The following USP53 variants were observed in gnomAD, a reference collection of about 807,000 sequenced individuals.
The protein encoded by USP53 is ubiquitin specific peptidase 53.
In USP53, 71 loss-of-function variants were observed where a neutral mutation model predicts 94.9. That is an observed-to-expected ratio of 0.75 (90% CI 0.62 to 0.91). The LOEUF (loss-of-function observed/expected upper bound fraction) is 0.91, where lower values mean the gene tolerates loss of function less well. USP53 is among the 40% of genes least tolerant of loss of function. USP53 has a pLI of 0.00. For synonymous variants in USP53, 375 were observed against 422.7 expected (o/e 0.89, Z 1.39); for missense variants, 1,173 against 1,281.0 (o/e 0.92, Z 1.29).
chr4:119,255,623 G>T (rs1456507646), intron 7 of USP53, among the ~76,000 whole-genome samples: 1 of 152,212 alleles, frequency 6.6e-6, no homozygotes, highest in Non-Finnish European at 1.5e-5. Flanking sequence ...TATTTCGGCA[G>T]GAGTGTATGG....
At chr4:119,231,144 A>G (rs1228790820) in intron 3 of USP53, among the ~76,000 whole-genome samples, 1 of 152,198 alleles carries the variant, frequency 6.6e-6, no homozygotes, top group Admixed American at 6.5e-5. Context: ...TGTCAGGGGT[A>G]ACTGAGTACT....
At chr4:119,281,281 A>G (rs777977865) in intron 17 of USP53, among the ~76,000 whole-genome samples, 1 of 152,234 alleles carries the variant, frequency 6.6e-6, no homozygotes, top group African/African-American at 2.4e-5. Context: ...TGTTGCAATC[A>G]AAGACAATGT....
chr4:119,229,857 A>G (rs9996382), intron 3 of USP53, among the ~76,000 whole-genome samples: 105,101 of 152,000 alleles, frequency 0.69, 36,787 homozygotes, highest in African/African-American at 0.79. Context: ...CACCTATTAG[A>G]TAAAGTCCAA....
rs1749787564 is a variant in USP53 at position 119,256,502 on chromosome 4, A to G, written c.548A>G (p.Tyr183Cys). The change falls in exon 9 of 19, where the codon TAC becomes TGC. Residue 183 changes from tyrosine to cysteine, a missense_variant. Transcript: ENST00000692078. ...DPLPFTEFVRYISTTALCNEV... is the reference protein window; with the variant it reads ...DPLPFTEFVRCISTTALCNEV... ...CTACCTTTTACAGAATTTGTGCGGTACATTTCTACAACAGCCTTATGGTAA... is the reference window on the plus strand; with the variant it reads ...CTACCTTTTACAGAATTTGTGCGGTGCATTTCTACAACAGCCTTATGGTAA... 1 of 1,614,000 alleles carries G rather than the reference A, an allele frequency of 6.2e-7. No individual in the cohort carries two copies. The highest frequency in any genetic ancestry group is 1.3e-5 in the African/African-American group (1 of 74,940).
intron 6 of USP53, among the ~76,000 whole-genome samples, chr4:119,247,667 A>G (rs890418930): frequency 6.6e-6 from 1 of 152,216 alleles, no homozygotes; most frequent in African/African-American, 2.4e-5. Flanking sequence ...GGGTAGAACA[A>G]TGCCTAACAT....
intron 3 of USP53, among the ~76,000 whole-genome samples, chr4:119,227,255 C>CCACACACACACACACACACA (rs1561196812): frequency 2.4e-5 from 1 of 40,856 alleles, no homozygotes; most frequent in Non-Finnish European, 4.7e-5. Flanking sequence ...TTGTCTAACA[C>CCACACACACACACACACACA]TACACACACA....
chr4:119,293,304 T>C lies in USP53; in HGVS notation c.*93T>C. ...TAAACCTAGCATACATTGTAATAGA[T>C]AACTGGTAAAACTGACCAACTTTTA... On this transcript the variant is annotated 3_prime_UTR_variant, in exon 19 of 19. Transcript: ENST00000692078. The C allele has an allele frequency of 1.4e-6, 2 of 1,421,272 alleles. No homozygotes were observed. The highest frequency in any genetic ancestry group is 2.9e-5 in the South Asian group (2 of 68,704). The allele number at this position is 1,421,272 out of a possible 1,614,324, so 88.0% of individuals were successfully genotyped here.
At chr4:119,285,773 A>AT (rs1459212347) in intron 17 of USP53, among the ~76,000 whole-genome samples, 1 of 151,644 alleles carries the variant, frequency 6.6e-6, no homozygotes, top group Non-Finnish European at 1.5e-5. Context: ...TTGTCAGCCG[A>AT]TTTTTTTTCT....
chr4:119,275,745 T>C (rs1426185681), intron 17 of USP53, among the ~76,000 whole-genome samples: 11 of 152,252 alleles, frequency 7.2e-5, no homozygotes, highest in South Asian at 2.1e-4. Context: ...GAATGTTCTT[T>C]CATTTGTTTG....
intron 9 of USP53, among the ~76,000 whole-genome samples, chr4:119,259,574 T>A (rs1381225925): frequency 6.6e-6 from 1 of 152,212 alleles, no homozygotes; most frequent in Non-Finnish European, 1.5e-5. Flanking sequence ...CTCATTTATC[T>A]AGTTCCAAAC....
intron 11 of USP53, among the ~76,000 whole-genome samples, chr4:119,261,335 A>G (rs777378564): frequency 1.1e-4 from 17 of 152,138 alleles, no homozygotes; most frequent in Non-Finnish European, 2.4e-4. Context: ...GTTTTGGATA[A>G]TTATCTTTTA....
At chr4:119,288,730 A>C (rs1032054293) in intron 17 of USP53, among the ~76,000 whole-genome samples, 1 of 152,026 alleles carries the variant, frequency 6.6e-6, no homozygotes, top group Non-Finnish European at 1.5e-5. Flanking sequence ...TGAGGTTTGG[A>C]GTTCGAGACC....
intron 12 of USP53, among the ~76,000 whole-genome samples, chr4:119,264,517 T>TA (rs1198192795): frequency 3.3e-5 from 5 of 152,222 alleles, no homozygotes; most frequent in Middle Eastern, 3.4e-3. Flanking sequence ...AAAATCCAAT[T>TA]AAAAAATCAG....
chr4:119,279,826 C>A (rs551982156), intron 17 of USP53, among the ~76,000 whole-genome samples: 2 of 152,260 alleles, frequency 1.3e-5, no homozygotes, highest in South Asian at 4.2e-4. Context: ...TAAGCCGGTC[C>A]GAAAAGCGCA....
rs569031181 is a variant in USP53 at position 119,261,955 on chromosome 4, A to G, written c.972+91A>G. 3 of 1,027,512 alleles carry G rather than the reference A, an allele frequency of 2.9e-6. No homozygotes were observed. The East Asian group carries it at 9.1e-5, about 31-fold the overall frequency. 63.6% of individuals were successfully genotyped at this position (1,027,512 alleles called of 1,614,324 possible). On this transcript the variant is annotated intron_variant, in intron 12 of 18. Transcript: ENST00000692078. ...ATTGATATTAATATTCAAAAGGATG[A>G]TATAATTAATATGTAAAATAGTAAT...
chr4:119,271,040 T>A (rs1751784965), intron 15 of USP53, among the ~76,000 whole-genome samples: 1 of 152,212 alleles, frequency 6.6e-6, no homozygotes, highest in Admixed American at 6.5e-5. Context: ...ATAGAGTGCT[T>A]ATTTTTTTAA....
chr4:119,249,026 T>A, intron 7 of USP53, 144 bp downstream of exon 7: 4 of 1,028,464 alleles, frequency 3.9e-6, no homozygotes, highest in Non-Finnish European at 5.5e-6. Context: ...TTACCCATCC[T>A]TCAAGCCTCA....
chr4:119,279,966 C>G (rs904484136), intron 17 of USP53, among the ~76,000 whole-genome samples: 1 of 152,210 alleles, frequency 6.6e-6, no homozygotes, highest in Non-Finnish European at 1.5e-5. Flanking sequence ...GGCTCGCACA[C>G]GGTGCGCACA....
Position 119,267,430 on chromosome 4 carries a change from A to C in USP53, c.1083A>C (p.Ala361=). ...PDGTAVSTED[A]LRQVISWSHY... ...GCACAGCAGTTTCTACTGAGGATGCACTCAGGCAGGTCATCAGCTGGTCAC... is the reference window on the plus strand; with the variant it reads ...GCACAGCAGTTTCTACTGAGGATGCCCTCAGGCAGGTCATCAGCTGGTCAC... Residue 361 remains alanine (A), a synonymous_variant, in exon 13 of 19, where the codon GCA becomes GCC. Coordinates refer to ENST00000692078, the MANE Select transcript of USP53 (RefSeq NM_001371395.1). 6.2e-7 allele frequency: 1 copy of C among 1,614,146 alleles called. No homozygotes were observed. Among genetic ancestry groups the C allele is most frequent in the Non-Finnish European group, 8.5e-7 (1 of 1,180,026 alleles).
Sources: gnomAD v4.1 joint callset for allele counts (sites outside exome capture counted in the v4.1 genomes callset) on GRCh38, gnomAD v4.1.1 for gene constraint, MANE v1.5 for transcripts, NCBI Gene and HGNC (gene_info 2026-07-23, HGNC 2026-07-21) for gene names.